TMEM200A: variants seen among roughly 807,000 people sequenced by gnomAD.
TMEM200A encodes transmembrane protein 200A.
TMEM200A carries 12 observed loss-of-function variants against 24.3 expected under a neutral mutation model. That is an observed-to-expected ratio of 0.49 (90% CI 0.32 to 0.80). TMEM200A has a LOEUF of 0.80. TMEM200A is among the 30% of genes least tolerant of loss of function. The probability of loss-of-function intolerance (pLI) is 0.04; values close to 1 mark genes in which losing one functional copy is unlikely to be tolerated. For synonymous variants in TMEM200A, 224 were observed against 224.4 expected (o/e 1.00, Z 0.02); for missense variants, 545 against 614.4 (o/e 0.89, Z 1.19).
intron 2 of TMEM200A, among the ~76,000 whole-genome samples, chr6:130,434,062 C>G (rs1779942863): frequency 6.6e-6 from 1 of 152,150 alleles, no homozygotes; most frequent in Non-Finnish European, 1.5e-5. Context: ...TACTGTTTTC[C>G]TACTGGACTC....
chr6:130,372,294 C>T (rs1326616281), intron 1 of TMEM200A, among the ~76,000 whole-genome samples: 2 of 152,090 alleles, frequency 1.3e-5, no homozygotes, highest in Non-Finnish European at 2.9e-5. Context: ...GAGATAAGAG[C>T]AGACCGTCTG....
Position 130,395,013 on chromosome 6 carries a change from G to A in TMEM200A, c.-17+9777G>A, listed in dbSNP as rs577029090. Among the ~76,000 whole-genome samples, 50 of 152,180 alleles carry A rather than the reference G, an allele frequency of 3.3e-4. 1 individual carries two copies. The highest frequency in any genetic ancestry group is 1.1e-3 in the African/African-American group (47 of 41,546). On this transcript the variant is annotated intron_variant, in intron 2 of 2. Transcript: ENST00000296978. The stretch of plus-strand genomic sequence containing the variant: ...GGAGCCTCCTGATAGAGCCTCCATC[G>A]GTATCCTAGTCTTCTTTCTTTGTCC...
At chr6:130,422,823 A>ACTT (rs1052135641) in intron 2 of TMEM200A, among the ~76,000 whole-genome samples, 1 of 152,148 alleles carries the variant, frequency 6.6e-6, no homozygotes, top group Non-Finnish European at 1.5e-5. Flanking sequence ...TATTTAAAAA[A>ACTT]CTTATATGAG....
chr6:130,441,442 C>G lies in TMEM200A; in HGVS notation c.1020C>G (p.Pro340=). Residue 340 remains proline (P), a synonymous_variant, in exon 3 of 3, where the codon CCC becomes CCG. Transcript: ENST00000296978. ...CCAACACCAGTGAATCCTTCCAGCC[C>G]GTCAGCACAGTGCTACCAAGGAATA... ...PLPNTSESFQ[P]VSTVLPRNNS... 6.2e-7 allele frequency: 1 copy of G among 1,614,048 alleles called. No individual in the cohort carries two copies. The highest frequency in any genetic ancestry group is 8.5e-7 in the Non-Finnish European group (1 of 1,179,984).
intron 2 of TMEM200A, chr6:130,438,288 G>T (rs947592174): frequency 2.6e-5 from 4 of 152,124 alleles, no homozygotes; most frequent in Non-Finnish European, 5.9e-5. Flanking sequence ...CTGAAGGCTG[G>T]ATTTACTCAC....
At chr6:130,385,852 G>T (rs1164232528) in intron 2 of TMEM200A, among the ~76,000 whole-genome samples, 14 of 152,068 alleles carry the variant, frequency 9.2e-5, no homozygotes, top group Non-Finnish European at 1.9e-4. Flanking sequence ...ATCACCTTTT[G>T]CCCTTTGGCA....
At chr6:130,395,246 C>T (rs1156592010) in intron 2 of TMEM200A, among the ~76,000 whole-genome samples, 1 of 152,172 alleles carries the variant, frequency 6.6e-6, no homozygotes, top group African/African-American at 2.4e-5. Context: ...ATTCTTCTAG[C>T]TAGATTGAGT....
chr6:130,402,412 T>C (rs1249027837), intron 2 of TMEM200A, among the ~76,000 whole-genome samples: 3 of 152,098 alleles, frequency 2.0e-5, no homozygotes, highest in Non-Finnish European at 4.4e-5. Context: ...TCAGTTTATC[T>C]ATTTTTATTA....
chr6:130,437,804 C>T (rs980171155), intron 2 of TMEM200A: 8 of 152,096 alleles, frequency 5.3e-5, no homozygotes, highest in Non-Finnish European at 1.0e-4. Flanking sequence ...CTCTCTTTTT[C>T]ACCTTTCTGT....
chr6:130,435,669 G>T (rs1453865430), intron 2 of TMEM200A, among the ~76,000 whole-genome samples: 1 of 152,204 alleles, frequency 6.6e-6, no homozygotes, highest in Non-Finnish European at 1.5e-5. Flanking sequence ...TAAACTGAGA[G>T]GGACAACAGG....
rs1780222103 is a variant in TMEM200A at position 130,442,482 on chromosome 6, T to C, written c.*584T>C. On this transcript the variant is annotated 3_prime_UTR_variant, in exon 3 of 3. Transcript: ENST00000296978. ...AAGTAGTTATTTTTTTCAATATCAC[T>C]TCTGTTTTTAGTGATATTATATCAA... 1.2e-5 allele frequency: 2 copies of C among 166,402 alleles called. No individual in the cohort carries two copies. Among genetic ancestry groups the C allele is most frequent in the African/African-American group, 4.8e-5 (2 of 41,470 alleles). The allele number at this position is 166,402 out of a possible 1,614,324, so 10.3% of individuals were successfully genotyped here.
intron 2 of TMEM200A, among the ~76,000 whole-genome samples, chr6:130,422,550 A>T (rs1779622106): frequency 6.6e-6 from 1 of 152,172 alleles, no homozygotes; most frequent in Non-Finnish European, 1.5e-5. Flanking sequence ...TACAGGCATG[A>T]GCCACCACAC....
intron 2 of TMEM200A, among the ~76,000 whole-genome samples, chr6:130,406,509 C>G (rs997906299): frequency 1.2e-4 from 19 of 152,146 alleles, no homozygotes; most frequent in African/African-American, 4.6e-4. Context: ...CTGAAACTAG[C>G]TCTTCCACTC....
chr6:130,430,997 T>C (rs186716403), intron 2 of TMEM200A, among the ~76,000 whole-genome samples: 50 of 152,342 alleles, frequency 3.3e-4, no homozygotes, highest in African/African-American at 1.2e-3. Context: ...GATTCTATCT[T>C]GGTGAGAGAT....
chr6:130,379,093 C>T (rs776126281), intron 1 of TMEM200A, among the ~76,000 whole-genome samples: 2 of 152,178 alleles, frequency 1.3e-5, no homozygotes, highest in African/African-American at 2.4e-5. Context: ...GCCTCGTGGC[C>T]TAATCACTTC....
chr6:130,427,504 C>T (rs1779772999), intron 2 of TMEM200A, among the ~76,000 whole-genome samples: 1 of 150,472 alleles, frequency 6.6e-6, no homozygotes, highest in Non-Finnish European at 1.5e-5. Flanking sequence ...CATCCTTATA[C>T]ATAGTTTCAT....
rs138521994 is a variant in TMEM200A at position 130,441,595 on chromosome 6, C to G, written c.1173C>G (p.Leu391=). 1.3e-4 allele frequency: 216 copies of G among 1,614,086 alleles called. No homozygotes were observed. In the African/African-American group the frequency reaches 2.7e-3, roughly 20 times the overall value. The change falls in exon 3 of 3, where the codon CTC becomes CTG. Residue 391 remains leucine (L), a synonymous_variant. Coordinates refer to ENST00000296978, the MANE Select transcript of TMEM200A (RefSeq NM_001258277.2). The stretch of plus-strand genomic sequence containing the variant: ...GGTCCAATACATCCTTGCATTTGCT[C>G]TCGTCACACTCAAAGTCCTTGGACT... ...QFGSNTSLHL[L]SSHSKSLDLD...
chr6:130,411,381 G>T (rs1037493783), intron 2 of TMEM200A, among the ~76,000 whole-genome samples: 1 of 152,118 alleles, frequency 6.6e-6, no homozygotes, highest in Non-Finnish European at 1.5e-5. Flanking sequence ...AAAGTAACTT[G>T]CTCTCACCTC....
At chr6:130,416,527 C>T (rs1188742228) in intron 2 of TMEM200A, among the ~76,000 whole-genome samples, 1 of 152,156 alleles carries the variant, frequency 6.6e-6, no homozygotes, top group Non-Finnish European at 1.5e-5. Context: ...TTGATAGCTG[C>T]TCATCTTTAC....
Sources: gnomAD v4.1 joint callset for allele counts (sites outside exome capture counted in the v4.1 genomes callset) on GRCh38, gnomAD v4.1.1 for gene constraint, MANE v1.5 for transcripts, NCBI Gene and HGNC (gene_info 2026-07-23, HGNC 2026-07-21) for gene names.